HMCN2: variants seen among roughly 807,000 people sequenced by gnomAD.
HMCN2 encodes hemicentin-2.
A neutral mutation model predicts 377.5 loss-of-function variants in HMCN2; 325 were observed. The ratio of observed to expected loss-of-function variants is 0.86; its 90% CI spans 0.79 to 0.94. HMCN2 has a LOEUF of 0.94. Ranked by LOEUF, HMCN2 falls within the 40% of genes least tolerant of loss-of-function variation. HMCN2 has a pLI of 0.00. For synonymous variants in HMCN2, 2,007 were observed against 2,046.8 expected, an observed-to-expected ratio of 0.98 and a Z score of 0.53; for missense variants, 4,543 against 4,725.3, an observed-to-expected ratio of 0.96 and a Z score of 1.13.
intron 65 of HMCN2, among the ~76,000 whole-genome samples, 176 bp downstream of exon 65, chr9:130,391,750 C>T (rs1008887324): frequency 3.9e-5 from 6 of 152,242 alleles, no homozygotes; most frequent in South Asian, 2.1e-4. Context: ...AGCGGAGATT[C>T]GGGAGGTGAG....
rs751970961 is a variant in HMCN2, at chr9:130,403,858, C to G, written c.12131C>G (p.Thr4044Arg). The change falls in exon 80 of 98, where the codon ACG (threonine) becomes AGG (arginine). Residue 4044 changes from threonine to arginine, a missense_variant. Physicochemically the swap from Thr to Arg is moderately conservative, Grantham distance 71 (BLOSUM62 -1). Around this residue, in one of 5 missense-constraint regions of HMCN2, gnomAD observed 1,073 missense variants for 1,319.5 expected, o/e 0.81. Transcript: ENST00000683500. ...AGTGCGGGCAGTGCCATGGGGAAGA[C>G]GCGGCTGGTGGTGCAAGGTGGGAGT... is the stretch of plus-strand genomic sequence containing the variant. ...KNSAGSAMGK[T>R]RLVVQVPPVI... 2 of 1,289,424 alleles carry G rather than the reference C, an allele frequency of 1.6e-6. No homozygotes were observed. 79.9% of individuals were successfully genotyped at this position (1,289,424 alleles called of 1,614,324 possible). A position where few individuals can be genotyped will look rare whatever the true frequency, so the allele number is the denominator to read the frequency against.
Position 130,424,873 on chromosome 9 carries a change from G to C in HMCN2, c.13479G>C (p.Gly4493=), listed in dbSNP as rs1372447211. The C allele has an allele frequency of 6.8e-7, 1 of 1,463,592 alleles. No individual in the cohort carries two copies. Among genetic ancestry groups the C allele is most frequent in the Admixed American group, 2.6e-5 (1 of 38,540 alleles). 90.7% of individuals were successfully genotyped at this position (1,463,592 alleles called of 1,614,324 possible). A position where few individuals can be genotyped will look rare whatever the true frequency, so the allele number is the denominator to read the frequency against. Residue 4493 remains glycine, a synonymous_variant, in exon 88 of 98, where the codon GGG becomes GGC. Coordinates refer to ENST00000683500, the MANE Select transcript of HMCN2 (RefSeq NM_001291815.2). The part of the protein sequence containing the change: ...GEALNGHSLT[G]GRFRQESHVE... ...CCCTGAATGGCCACTCTCTGACTGGGGGCAGGTTCCGGCAGGAGTCACACG... is the reference window on the plus strand; with the variant it reads ...CCCTGAATGGCCACTCTCTGACTGGCGGCAGGTTCCGGCAGGAGTCACACG...
At position 130,363,889 on chromosome 9, in the gene HMCN2, G is replaced by A. The variant is rs186997277; in HGVS notation, c.6233-825G>A. 5.8e-5 allele frequency among the ~76,000 whole-genome samples: 7 copies of A among 119,988 alleles called. 1 individual carries two copies. The Admixed American group carries it at 6.6e-4, about 11-fold the overall frequency. The allele number at this position is 119,988 out of a possible 152,430, so 78.7% of individuals were successfully genotyped here. A position where few individuals can be genotyped will look rare whatever the true frequency, so the allele number is the denominator to read the frequency against. ...AGAAGGAAGGAAGGAAAGAAGGAAG[G>A]AAGGAGAGAGGGAGAGAGAAAGAAA... On this transcript the variant is annotated intron_variant, in intron 40 of 97. Coordinates refer to ENST00000683500, the MANE Select transcript of HMCN2 (RefSeq NM_001291815.2).
intron 66 of HMCN2, among the ~76,000 whole-genome samples, chr9:130,392,812 C>A (rs376892088): frequency 1.3e-4 from 20 of 152,102 alleles, no homozygotes; most frequent in African/African-American, 4.6e-4. Flanking sequence ...CTGGCTAACA[C>A]GGTGAAACCC....
At chr9:130,272,710 G>T (rs1554921614) in intron 1 of HMCN2, among the ~76,000 whole-genome samples, 4 of 152,120 alleles carry the variant, frequency 2.6e-5, no homozygotes, top group African/African-American at 7.2e-5. Context: ...ACCACACCTG[G>T]CTAATTTTTG....
intron 35 of HMCN2, 37 bp from the exon 36 acceptor site, chr9:130,358,353 C>T (rs1266705135): frequency 5.4e-6 from 7 of 1,303,856 alleles, no homozygotes; most frequent in African/African-American, 4.6e-5. Flanking sequence ...ATCACTTGGA[C>T]AGCCCTGTGG....
Position 130,432,416 on chromosome 9 carries a change from C to T in HMCN2, c.14768-13C>T, listed in dbSNP as rs757464824. The T allele has an allele frequency of 6.4e-7, 1 of 1,551,128 alleles. No homozygotes were observed. Among genetic ancestry groups the T allele is most frequent in the South Asian group, 1.2e-5 (1 of 84,062 alleles). On this transcript the variant is annotated splice_polypyrimidine_tract_variant and intron_variant, in intron 96 of 97. Coordinates refer to ENST00000683500, the MANE Select transcript of HMCN2 (RefSeq NM_001291815.2). Reference sequence around the variant, plus strand: ...TCATCTCCCTCCCCCGCTTCACCAACTTCCCCATCCAGACATCAACGAGTG... The same window carrying T: ...TCATCTCCCTCCCCCGCTTCACCAATTTCCCCATCCAGACATCAACGAGTG...
At chr9:130,352,692 C>A (rs1182189475) in intron 30 of HMCN2, among the ~76,000 whole-genome samples, 2 of 152,228 alleles carry the variant, frequency 1.3e-5, no homozygotes, top group East Asian at 3.9e-4. Flanking sequence ...GGCCCAGAAT[C>A]CAAGCCTGTG....
chr9:130,280,423 C>G (rs1171845503), intron 1 of HMCN2, among the ~76,000 whole-genome samples: 1 of 151,430 alleles, frequency 6.6e-6, no homozygotes, highest in Non-Finnish European at 1.5e-5. Flanking sequence ...CCTCCCGCCT[C>G]GGCCTCCCAA....
intron 25 of HMCN2, among the ~76,000 whole-genome samples, chr9:130,344,513 G>T (rs1839235530): frequency 6.6e-6 from 1 of 151,288 alleles, no homozygotes; most frequent in African/African-American, 2.4e-5. Flanking sequence ...TGTATGTGGT[G>T]TGTGTGGTGT....
In HMCN2 at chr9:130,382,628, C is replaced by T. The variant is rs1323384855; in HGVS notation, c.8546-51C>T. On this transcript the variant is annotated intron_variant, in intron 55 of 97. Coordinates refer to ENST00000683500, the MANE Select transcript of HMCN2 (RefSeq NM_001291815.2). ...CCACTCTCGCCTCCACGGCCACCCC[C>T]GCCCCCAGGGACCTGTGCCAGCCCC... The T allele has an allele frequency of 1.8e-5, 14 of 775,690 alleles. No individual in the cohort carries two copies. In the Admixed American group the frequency reaches 2.5e-4, roughly 14 times the overall value. The allele number at this position is 775,690 out of a possible 1,614,324, so 48.1% of individuals were successfully genotyped here.
chr9:130,404,811 G>A lies in HMCN2; in HGVS notation c.12149-58G>A, dbSNP rs1441346296. On this transcript the variant is annotated intron_variant, in intron 80 of 97. Coordinates refer to ENST00000683500, the MANE Select transcript of HMCN2 (RefSeq NM_001291815.2). ...CTGGGCCAAAGGCCAAGGGCCCCAG[G>A]ATGGTGTCAGCCGCCTCCCTGAGCC... is the stretch of plus-strand genomic sequence containing the variant. 7.8e-6 allele frequency: 9 copies of A among 1,151,544 alleles called. No individual in the cohort carries two copies. In the Admixed American group the frequency reaches 2.0e-4, roughly 26 times the overall value. 71.3% of individuals were successfully genotyped at this position (1,151,544 alleles called of 1,614,324 possible).
chr9:130,321,361 G>A (rs1837841813), intron 18 of HMCN2, among the ~76,000 whole-genome samples: 1 of 152,186 alleles, frequency 6.6e-6, no homozygotes, highest in African/African-American at 2.4e-5. Flanking sequence ...GTGTTCTTCT[G>A]TTTGCCCTCT....
In HMCN2 at chr9:130,428,468, G is replaced by A. The variant is rs1290012382; in HGVS notation, c.14176G>A (p.Ala4726Thr). The change falls in exon 93 of 98, where the codon GCT (alanine) becomes ACT (threonine). Residue 4726 changes from alanine (A) to threonine (T), a missense_variant. By Grantham distance (58) the Ala-to-Thr change is moderately conservative (BLOSUM62 0). Transcript: ENST00000683500. This position sits in a 1 kb window ranked among gnomAD's most constrained non-coding sequence, Gnocchi z 5.0. ...LPDCGPGFRV[A>T]DGAGCEDVDE... Reference sequence around the variant, plus strand: ...CGACTGTGGGCCTGGCTTCCGGGTGGCTGATGGGGCCGGCTGTGAAGGTGA... The same window carrying A: ...CGACTGTGGGCCTGGCTTCCGGGTGACTGATGGGGCCGGCTGTGAAGGTGA... 9.7e-6 allele frequency: 15 copies of A among 1,542,654 alleles called. No individual in the cohort carries two copies. Among genetic ancestry groups the A allele is most frequent in the Non-Finnish European group, 1.1e-5 (13 of 1,146,920 alleles).
chr9:130,416,996 C>A (rs1289775015), intron 85 of HMCN2, among the ~76,000 whole-genome samples: 1 of 151,988 alleles, frequency 6.6e-6, no homozygotes, highest in Admixed American at 6.6e-5. Context: ...ACTGTAACCT[C>A]TGCCTCCCAG....
chr9:130,389,782 T>C (rs1693500081), intron 62 of HMCN2, among the ~76,000 whole-genome samples: 1 of 151,958 alleles, frequency 6.6e-6, no homozygotes. Flanking sequence ...ACCATGTTGG[T>C]CAGGCTGGTC....
At chr9:130,374,783 C>A in intron 49 of HMCN2, 90 bp downstream of exon 49, 4 of 557,342 alleles carry the variant, frequency 7.2e-6, no homozygotes, top group South Asian at 7.8e-5. Context: ...TCCCACAAAC[C>A]ATTCTACTAT....
chr9:130,358,402 G>A lies in HMCN2; in HGVS notation c.5593G>A (p.Asp1865Asn), dbSNP rs760053373. Residue 1865 changes from aspartate to asparagine, a missense_variant, in exon 36 of 98, where the codon GAC (aspartate) becomes AAC (asparagine). Around this residue, in one of 5 missense-constraint regions of HMCN2, gnomAD observed 1,032 missense variants for 1,285.1 expected, o/e 0.80. Transcript: ENST00000683500. ...FGGNLQIEKVDLRDEGIYTCA... is the reference protein window; with the variant it reads ...FGGNLQIEKVNLRDEGIYTCA... ...CCCTCCCCTCCAGATTGAGAAGGTG[G>A]ACCTGAGGGACGAGGGCATCTACAC... 2.9e-5 allele frequency: 38 copies of A among 1,304,330 alleles called. No individual in the cohort carries two copies. Among genetic ancestry groups the A allele is most frequent in the Non-Finnish European group, 3.8e-5 (38 of 988,950 alleles). The allele number at this position is 1,304,330 out of a possible 1,614,324, so 80.8% of individuals were successfully genotyped here.
intron 11 of HMCN2, 145 bp from the exon 12 acceptor site, chr9:130,305,984 G>A (rs946219344): frequency 1.3e-4 from 49 of 374,658 alleles, no homozygotes; most frequent in Non-Finnish European, 2.5e-4. Flanking sequence ...AGCCACACCC[G>A]GGAGATTGAA....
Sources: allele counts gnomAD v4.1 joint callset (sites outside exome capture counted in the v4.1 genomes callset), GRCh38; gene constraint gnomAD v4.1.1; regional missense constraint gnomAD v4.1.1; non-coding constraint Gnocchi (gnomAD v3.1); transcripts MANE v1.5; gene names NCBI Gene and HGNC (gene_info 2026-07-23, HGNC 2026-07-21).